BTRC: variants seen among roughly 807,000 people sequenced by gnomAD.
BTRC encodes F-box/WD repeat-containing protein 1A.
A neutral mutation model predicts 85.5 loss-of-function variants in BTRC; 42 were observed. The ratio of observed to expected loss-of-function variants is 0.49; its 90% confidence interval spans 0.38 to 0.64. BTRC has a LOEUF of 0.64. Among genes scored for constraint, BTRC ranks in the 30% least tolerant of loss-of-function variants. The pLI is 0.00. For synonymous variants in BTRC, 255 were observed against 263.3 expected, an observed-to-expected ratio of 0.97 and a Z score of 0.30; for missense variants, 594 against 743.5, an observed-to-expected ratio of 0.80 and a Z score of 2.34.
At chr10:101,359,172 CAG>C (rs1453169042) in intron 1 of BTRC, among the ~76,000 whole-genome samples, 3 of 152,248 alleles carry the variant, frequency 2.0e-5, no homozygotes, top group South Asian at 2.1e-4. Context: ...CTTCAGGAAA[CAG>C]AGGTATCTAA....
At chr10:101,508,938 T>TAAAAAAAAAAAAAAAAAAAAAA (rs1554890315) in intron 4 of BTRC, among the ~76,000 whole-genome samples, 3 of 106,480 alleles carry the variant, frequency 2.8e-5, no homozygotes, top group Non-Finnish European at 4.3e-5. Flanking sequence ...AAAAAAAAAC[T>TAAAAAAAAAAAAAAAAAAAAAA]AAAAGTAGAA....
intron 3 of BTRC, among the ~76,000 whole-genome samples, chr10:101,472,960 G>A (rs1292830299): frequency 6.6e-6 from 1 of 152,028 alleles, no homozygotes; most frequent in Non-Finnish European, 1.5e-5. Flanking sequence ...TAACATGACT[G>A]GGGTTTGCTG....
At position 101,555,593 on chromosome 10, in the gene BTRC, GTTAA is replaced by G. The variant is rs2062714550; in HGVS notation, c.*2471_*2474del. On this transcript the variant is annotated 3_prime_UTR_variant, in exon 15 of 15. Transcript: ENST00000370187. ...TGTTGTAGAAGAAATAATCAGGTAA[GTTAA>G]AAGTTCATTTCCAGAGAAGGTAAAC... 6.6e-6 allele frequency: 1 copy of G among 152,614 alleles called. No individual in the cohort carries two copies. The highest frequency in any genetic ancestry group is 1.5e-5 in the Non-Finnish European group (1 of 68,046). 9.5% of individuals were successfully genotyped at this position (152,614 alleles called of 1,614,324 possible).
chr10:101,454,357 A>C (rs1036215331), intron 2 of BTRC, among the ~76,000 whole-genome samples: 1 of 152,196 alleles, frequency 6.6e-6, no homozygotes, highest in Non-Finnish European at 1.5e-5. Flanking sequence ...TTTCCAGTAG[A>C]GTAAGGTGGA....
intron 1 of BTRC, among the ~76,000 whole-genome samples, chr10:101,391,718 C>G (rs1005530519): frequency 1.3e-5 from 2 of 152,200 alleles, no homozygotes; most frequent in Non-Finnish European, 2.9e-5. Flanking sequence ...ATTTTTACTT[C>G]TTAATTTGCA....
At chr10:101,440,293 C>A (rs1944646716) in intron 2 of BTRC, among the ~76,000 whole-genome samples, 2 of 151,774 alleles carry the variant, frequency 1.3e-5, no homozygotes, top group African/African-American at 4.8e-5. Flanking sequence ...TATATTTTTT[C>A]TTCTAAGGAA....
At chr10:101,482,374 C>CT (rs1435939147) in intron 4 of BTRC, among the ~76,000 whole-genome samples, 1 of 134,738 alleles carries the variant, frequency 7.4e-6, no homozygotes, top group Non-Finnish European at 1.6e-5. Context: ...ATCCCTGTTT[C>CT]TTTTTTGTTT....
At chr10:101,414,916 A>G (rs1056204800) in intron 1 of BTRC, among the ~76,000 whole-genome samples, 3 of 152,072 alleles carry the variant, frequency 2.0e-5, no homozygotes, top group Admixed American at 2.0e-4. Context: ...TTTAAAAACT[A>G]AAAAAATTTA....
rs535631932 is a variant in BTRC, at chr10:101,413,470, C to T, written c.49-16875C>T. On this transcript the variant is annotated intron_variant, in intron 1 of 14. Coordinates refer to ENST00000370187, the MANE Select transcript of BTRC (RefSeq NM_033637.4). Reference sequence around the variant, plus strand: ...CTGGGACTACAGGCACCTGCCACCACGCCTGGCTAATTTTTGTATTTTTAG... The same window carrying T: ...CTGGGACTACAGGCACCTGCCACCATGCCTGGCTAATTTTTGTATTTTTAG... 3.9e-5 allele frequency among the ~76,000 whole-genome samples: 6 copies of T among 152,258 alleles called. No homozygotes were observed. The South Asian group carries it at 6.2e-4, about 16-fold the overall frequency.
rs559312017 is a variant in BTRC, at chr10:101,361,327, C to T, written c.48+7099C>T. On this transcript the variant is annotated intron_variant, in intron 1 of 14. Coordinates refer to ENST00000370187, the MANE Select transcript of BTRC (RefSeq NM_033637.4). Reference sequence around the variant, plus strand: ...TTCACCGTGTTAGCCAGGATGGTCTCGATCTCCTGACCTTGTGATCCAACC... The same window carrying T: ...TTCACCGTGTTAGCCAGGATGGTCTTGATCTCCTGACCTTGTGATCCAACC... Among the ~76,000 whole-genome samples the T allele has an allele frequency of 1.4e-4, 22 of 151,742 alleles. No individual in the cohort carries two copies. The South Asian group carries it at 4.6e-3, about 32-fold the overall frequency.
chr10:101,486,399 T>C (rs1371233422), intron 4 of BTRC, among the ~76,000 whole-genome samples: 1 of 151,328 alleles, frequency 6.6e-6, no homozygotes, highest in African/African-American at 2.4e-5. Flanking sequence ...TGCAGTCTTT[T>C]AGTGCAGGAA....
At chr10:101,441,987 A>G (rs1430879060) in intron 2 of BTRC, among the ~76,000 whole-genome samples, 1 of 151,970 alleles carries the variant, frequency 6.6e-6, no homozygotes. Flanking sequence ...AAGATTGCAT[A>G]TACTTCTTTG....
intron 6 of BTRC, among the ~76,000 whole-genome samples, chr10:101,528,300 A>G (rs1335997094): frequency 8.5e-5 from 13 of 152,218 alleles, no homozygotes; most frequent in Non-Finnish European, 7.3e-5. Context: ...TGGATGTGAA[A>G]ATGCCAAAGG....
intron 5 of BTRC, among the ~76,000 whole-genome samples, chr10:101,524,207 T>C (rs970358976): frequency 2.0e-5 from 3 of 152,212 alleles, no homozygotes; most frequent in Non-Finnish European, 4.4e-5. Flanking sequence ...CTATATCTTT[T>C]GTTAAACAGA....
intron 2 of BTRC, among the ~76,000 whole-genome samples, chr10:101,447,007 G>A (rs970280952): frequency 6.6e-6 from 1 of 151,424 alleles, no homozygotes; most frequent in African/African-American, 2.4e-5. Flanking sequence ...GTGGTGGGGG[G>A]GCCGGTTACA....
rs747885055 is a variant in BTRC, at chr10:101,430,361, C to T, written c.65C>T (p.Ser22Phe). The T allele has an allele frequency of 6.2e-7, 1 of 1,613,872 alleles. No individual in the cohort carries two copies. Among genetic ancestry groups the T allele is most frequent in the South Asian group, 1.1e-5 (1 of 91,028 alleles). ...TCTCTGCAGTGCTCTATGCCCAGGT[C>T]TCTGTGGCTGGGCTGCTCCAGCCTG... ...ALKFMCSMPR[S>F]LWLGCSSLAD... Residue 22 changes from serine to phenylalanine, a missense_variant, in exon 2 of 15, where the codon TCT becomes TTT. Coordinates refer to ENST00000370187, the MANE Select transcript of BTRC (RefSeq NM_033637.4).
At chr10:101,457,282 T>G (rs1945107024) in intron 2 of BTRC, among the ~76,000 whole-genome samples, 1 of 152,190 alleles carries the variant, frequency 6.6e-6, no homozygotes, top group Non-Finnish European at 1.5e-5. Flanking sequence ...AGGTTACTAC[T>G]GACCCTTTGA....
chr10:101,451,382 C>T (rs1226212480), intron 2 of BTRC, among the ~76,000 whole-genome samples: 3 of 152,076 alleles, frequency 2.0e-5, no homozygotes, highest in Admixed American at 2.0e-4. Flanking sequence ...CACCCAGTTA[C>T]TTTCTTAGAA....
intron 1 of BTRC, among the ~76,000 whole-genome samples, chr10:101,404,764 C>T (rs551901627): frequency 1.4e-4 from 21 of 152,062 alleles, no homozygotes; most frequent in Admixed American, 3.9e-4. Flanking sequence ...TTTGGGAGGC[C>T]GAGGTGGGCG....
Sources: gnomAD v4.1 joint callset for allele counts (sites outside exome capture counted in the v4.1 genomes callset) on GRCh38, gnomAD v4.1.1 for gene constraint, MANE v1.5 for transcripts, NCBI Gene and HGNC (gene_info 2026-07-23, HGNC 2026-07-21) for gene names.